Variants in PTPRG observed in about 807,000 individuals in gnomAD.
PTPRG encodes the protein protein tyrosine phosphatase receptor type G.
PTPRG carries 102 observed loss-of-function variants against 165.3 expected under a neutral mutation model. That is an observed-to-expected ratio of 0.62 (90% CI 0.53 to 0.73). PTPRG has a LOEUF of 0.73. PTPRG is among the 30% of genes least tolerant of loss of function. The probability of loss-of-function intolerance (pLI) is 0.00; values close to 1 mark genes in which losing one functional copy is unlikely to be tolerated. For synonymous variants in PTPRG, 675 were observed against 669.5 expected, an observed-to-expected ratio of 1.01 and a Z score of -0.13; for missense variants, 1,866 against 1,861.4, an observed-to-expected ratio of 1.00 and a Z score of -0.05.
chr3:62,126,107 T>C (rs1576034959), intron 5 of PTPRG, among the ~76,000 whole-genome samples: 1 of 152,300 alleles, frequency 6.6e-6, no homozygotes. Flanking sequence ...GCAAGACTGC[T>C]CCTGGCAAAA....
chr3:61,756,564 A>T lies in PTPRG; in HGVS notation c.190+7582A>T, dbSNP rs114105821. 7.1e-3 allele frequency among the ~76,000 whole-genome samples: 1,083 copies of T among 151,794 alleles called. 7 individuals carry two copies. Among genetic ancestry groups the T allele is most frequent in the Non-Finnish European group, 0.013 (856 of 67,894 alleles). On this transcript the variant is annotated intron_variant, in intron 2 of 29. Coordinates refer to ENST00000474889, the MANE Select transcript of PTPRG (RefSeq NM_002841.4). ...TCTCTCTACTTAGAGTTCTTTTCTT[A>T]TTTTTTTTAAACTTTCATCCTTGGC...
intron 2 of PTPRG, among the ~76,000 whole-genome samples, chr3:61,888,271 T>C (rs2038107139): frequency 6.6e-6 from 1 of 152,086 alleles, no homozygotes. Context: ...AGACGTATTA[T>C]GCCCCTTTAC....
intron 1 of PTPRG, among the ~76,000 whole-genome samples, chr3:61,579,784 A>G (rs1208258506): frequency 6.6e-6 from 1 of 152,228 alleles, no homozygotes; most frequent in Non-Finnish European, 1.5e-5. Flanking sequence ...GCGAGGACAG[A>G]AGGCTAACTT....
At position 62,262,883 on chromosome 3, in the gene PTPRG, A is replaced by C; in HGVS notation, c.2645A>C (p.Asn882Thr). ...PENKHKNRYI[N>T]ILAYDHSRVK... is the part of the protein sequence containing the mutation. The stretch of plus-strand genomic sequence containing the variant: ...AACAAGCACAAAAACAGATACATCA[A>C]CATTTTAGCATGTGAGTAATAAGCT... The change falls in exon 17 of 30, where the codon AAC (asparagine) becomes ACC (threonine). Residue 882 changes from asparagine to threonine, a missense_variant. Around this residue, in one of 3 missense-constraint regions of PTPRG, gnomAD observed 1,452 missense variants for 1,463.0 expected, o/e 0.99. Transcript: ENST00000474889. The C allele has an allele frequency of 1.2e-6, 2 of 1,610,444 alleles. No homozygotes were observed. Among genetic ancestry groups the C allele is most frequent in the Non-Finnish European group, 1.7e-6 (2 of 1,176,686 alleles).
At chr3:61,960,657 T>C (rs2040130161) in intron 2 of PTPRG, among the ~76,000 whole-genome samples, 1 of 151,988 alleles carries the variant, frequency 6.6e-6, no homozygotes, top group East Asian at 1.9e-4. Flanking sequence ...ATGACAAGGG[T>C]GGGGTTTTTT....
rs1207087648 is a variant in PTPRG, at chr3:62,003,505, A to G, written c.519+8A>G. 12 of 1,613,380 alleles carry G rather than the reference A, an allele frequency of 7.4e-6. No homozygotes were observed. The Admixed American group carries it at 1.8e-4, about 25-fold the overall frequency. ...AGGAGGTTTCCTGTTGAGGTGAGAG[A>G]AAGTCAAGATCTCAACGTGTAGCTG... On this transcript the variant is annotated splice_region_variant and intron_variant, in intron 4 of 29. Transcript: ENST00000474889.
chr3:61,716,865 A>C (rs2031831586), intron 1 of PTPRG, among the ~76,000 whole-genome samples: 1 of 152,118 alleles, frequency 6.6e-6, no homozygotes, highest in South Asian at 2.1e-4. Context: ...CCAGCTACTC[A>C]GGAGGCTGAG....
intron 4 of PTPRG, among the ~76,000 whole-genome samples, chr3:62,055,090 G>A (rs1700590994): frequency 6.6e-6 from 1 of 152,172 alleles, no homozygotes; most frequent in South Asian, 2.1e-4. Context: ...GTTCTGAACT[G>A]ATACACTCAC....
chr3:61,649,996 G>A (rs75431305), intron 1 of PTPRG, among the ~76,000 whole-genome samples: 151 of 152,280 alleles, frequency 9.9e-4, no homozygotes, highest in Middle Eastern at 3.4e-3. Context: ...AGGGCACTGA[G>A]TTTTACTGCT....
At chr3:61,861,110 C>G (rs1326233349) in intron 2 of PTPRG, among the ~76,000 whole-genome samples, 6 of 151,986 alleles carry the variant, frequency 3.9e-5, no homozygotes, top group Admixed American at 1.3e-4. Flanking sequence ...GGACAATCAT[C>G]CAAATTGTTG....
chr3:62,151,275 A>G (rs184204264), intron 6 of PTPRG, among the ~76,000 whole-genome samples: 41 of 152,324 alleles, frequency 2.7e-4, no homozygotes, highest in Admixed American at 2.2e-3. Flanking sequence ...CCTAATTGAT[A>G]AGAAAAATTT....
intron 2 of PTPRG, among the ~76,000 whole-genome samples, chr3:61,785,177 C>T (rs1288256035): frequency 6.6e-6 from 1 of 152,178 alleles, no homozygotes; most frequent in African/African-American, 2.4e-5. Context: ...AGGTTCTGCA[C>T]ATTAACCTCT....
intron 2 of PTPRG, among the ~76,000 whole-genome samples, chr3:61,801,407 C>G (rs1387329701): frequency 1.3e-5 from 2 of 151,190 alleles, no homozygotes; most frequent in African/African-American, 4.9e-5. Flanking sequence ...CTCTAGGGCT[C>G]AAGTAATCCT....
intron 1 of PTPRG, among the ~76,000 whole-genome samples, chr3:61,642,197 C>T (rs1575558346): frequency 6.6e-6 from 1 of 152,154 alleles, no homozygotes; most frequent in East Asian, 1.9e-4. Flanking sequence ...CCACTAGCCA[C>T]GGGCCCTGAC....
rs377604908 is a variant in PTPRG at position 62,078,231 on chromosome 3, A to C, written c.588A>C (p.Ile196=). 12 of 1,607,544 alleles carry C rather than the reference A, an allele frequency of 7.5e-6. No individual in the cohort carries two copies. The African/African-American group carries it at 1.6e-4, about 22-fold the overall frequency. The part of the protein sequence containing the change: ...SFQTAISENR[I]IGAMAIFFQV... ...AAACCGCAATTTCTGAGAACAGAAT[A>C]ATCGGAGCCATGGCCATATTTTTTC... The change falls in exon 5 of 30, where the codon ATA becomes ATC. Residue 196 remains isoleucine (I), a synonymous_variant. Transcript: ENST00000474889.
At position 61,790,195 on chromosome 3, in the gene PTPRG, C is replaced by T. The variant is rs185563915; in HGVS notation, c.190+41213C>T. Among the ~76,000 whole-genome samples, 438 of 152,240 alleles carry T rather than the reference C, an allele frequency of 2.9e-3. 2 individuals are homozygous for T. The highest frequency in any genetic ancestry group is 3.6e-3 in the Non-Finnish European group (243 of 68,022). ...CCATTTCACACTTGTACTGGAGGAACCCTGAGGCTAGATGGTTTTTCTGTT... is the reference window on the plus strand; with the variant it reads ...CCATTTCACACTTGTACTGGAGGAATCCTGAGGCTAGATGGTTTTTCTGTT... On this transcript the variant is annotated intron_variant, in intron 2 of 29. Transcript: ENST00000474889.
chr3:61,709,516 T>C (rs984242739), intron 1 of PTPRG, among the ~76,000 whole-genome samples: 2 of 152,136 alleles, frequency 1.3e-5, no homozygotes, highest in Admixed American at 1.3e-4. Flanking sequence ...CGTTTTGCCA[T>C]GTTGGCCAGG....
chr3:62,163,168 C>G (rs994731427), intron 7 of PTPRG, among the ~76,000 whole-genome samples: 1 of 152,132 alleles, frequency 6.6e-6, no homozygotes, highest in African/African-American at 2.4e-5. Flanking sequence ...TCACCTCCCA[C>G]CAGGCCCCTC....
chr3:62,276,684 CCT>C (rs976474296), intron 24 of PTPRG: 4 of 349,084 alleles, frequency 1.1e-5, no homozygotes, highest in Non-Finnish European at 1.6e-5. Context: ...TATCTAAAAT[CCT>C]CTGTTGTGTC....
Sources: allele counts gnomAD v4.1 joint callset (sites outside exome capture counted in the v4.1 genomes callset), GRCh38; gene constraint gnomAD v4.1.1; regional missense constraint gnomAD v4.1.1; transcripts MANE v1.5; gene names NCBI Gene and HGNC (gene_info 2026-07-23, HGNC 2026-07-21).